TOM1L2: variants seen among roughly 807,000 people sequenced by gnomAD.
TOM1L2 encodes the protein TOM1-like protein 2.
A neutral mutation model predicts 67.9 loss-of-function variants in TOM1L2; 31 were observed. The ratio of observed to expected loss-of-function variants is 0.46; its 90% CI spans 0.34 to 0.62. TOM1L2 has a LOEUF of 0.62. Ranked by LOEUF, TOM1L2 falls within the 20% of genes least tolerant of loss-of-function variation. TOM1L2 has a pLI of 0.01. For synonymous variants in TOM1L2, 256 were observed against 254.0 expected (o/e 1.01, Z -0.07); for missense variants, 606 against 663.5 (o/e 0.91, Z 0.95).
intron 1 of TOM1L2, among the ~76,000 whole-genome samples, chr17:17,926,801 T>C (rs1470360511): frequency 6.6e-6 from 1 of 151,890 alleles, no homozygotes; most frequent in Middle Eastern, 3.2e-3. Context: ...GAGGTTGCAG[T>C]GAGCAAGGAT....
intron 6 of TOM1L2, among the ~76,000 whole-genome samples, chr17:17,881,660 A>C (rs568648275): frequency 3.3e-5 from 5 of 152,042 alleles, no homozygotes; most frequent in African/African-American, 1.2e-4. Flanking sequence ...GTAACAAATC[A>C]CTTGTTCTAC....
chr17:17,895,797 G>T (rs1474915250), intron 3 of TOM1L2, among the ~76,000 whole-genome samples: 2 of 152,172 alleles, frequency 1.3e-5, no homozygotes, highest in Non-Finnish European at 2.9e-5. Flanking sequence ...TCCCCCCTTT[G>T]GTCCTTGAAA....
At chr17:17,916,660 G>A (rs1190528487) in intron 1 of TOM1L2, among the ~76,000 whole-genome samples, 1 of 152,138 alleles carries the variant, frequency 6.6e-6, no homozygotes, top group Non-Finnish European at 1.5e-5. Context: ...CCATGATGTT[G>A]TGATTATTAT....
chr17:17,963,856 T>C (rs1011636742), intron 1 of TOM1L2, among the ~76,000 whole-genome samples: 2 of 152,190 alleles, frequency 1.3e-5, no homozygotes, highest in Non-Finnish European at 2.9e-5. Context: ...TCAAGAAGTC[T>C]ATATTAGTTG....
rs1568027008 is a variant in TOM1L2 at position 17,846,521 on chromosome 17, T to C, written c.*1114A>G. The C allele has an allele frequency of 6.6e-6, 1 of 152,578 alleles. No individual in the cohort carries two copies. Among genetic ancestry groups the C allele is most frequent in the Non-Finnish European group, 1.5e-5 (1 of 68,300 alleles). 9.5% of individuals were successfully genotyped at this position (152,578 alleles called of 1,614,324 possible). A position where few individuals can be genotyped will look rare whatever the true frequency, so the allele number is the denominator to read the frequency against. ...GATCAGCTTGGGGAGAGAGTATAAA[T>C]TGGTGGCCAGAGGACCTCTGAGGTG... On this transcript the variant is annotated 3_prime_UTR_variant, in exon 15 of 15. Transcript: ENST00000379504.
chr17:17,929,043 G>A (rs753565372), intron 1 of TOM1L2, among the ~76,000 whole-genome samples: 25 of 152,220 alleles, frequency 1.6e-4, no homozygotes, highest in Admixed American at 1.5e-3. Flanking sequence ...CTAATACCAA[G>A]TCTGAAGATT....
chr17:17,867,064 A>G (rs1450321149), intron 8 of TOM1L2, 140 bp from the exon 9 acceptor site: 1 of 761,544 alleles, frequency 1.3e-6, no homozygotes, highest in Non-Finnish European at 2.3e-6. Context: ...GAAACCATAT[A>G]TCAACTCTGC....
chr17:17,961,328 T>C (rs2041667624), intron 1 of TOM1L2, among the ~76,000 whole-genome samples: 1 of 151,642 alleles, frequency 6.6e-6, no homozygotes, highest in African/African-American at 2.4e-5. Context: ...GAGGCCAAGA[T>C]GGGAGGATCA....
intron 1 of TOM1L2, among the ~76,000 whole-genome samples, chr17:17,916,661 T>C (rs969642655): frequency 6.6e-6 from 1 of 152,232 alleles, no homozygotes; most frequent in African/African-American, 2.4e-5. Context: ...CATGATGTTG[T>C]GATTATTATA....
At chr17:17,870,539 G>A (rs991306007) in intron 7 of TOM1L2, among the ~76,000 whole-genome samples, 2 of 152,210 alleles carry the variant, frequency 1.3e-5, no homozygotes, top group Non-Finnish European at 2.9e-5. Context: ...ACCTACCTGG[G>A]CACTGGAGGG....
chr17:17,853,287 A>G (rs955081521), intron 12 of TOM1L2, among the ~76,000 whole-genome samples: 1 of 152,180 alleles, frequency 6.6e-6, no homozygotes, highest in Admixed American at 6.5e-5. Context: ...CCCTTTCTTT[A>G]CACCTGACCA....
chr17:17,853,884 A>G (rs550681464), intron 12 of TOM1L2, among the ~76,000 whole-genome samples: 1 of 152,380 alleles, frequency 6.6e-6, no homozygotes, highest in South Asian at 2.1e-4. Context: ...CTGTGAAATA[A>G]GGCGATTGCT....
intron 1 of TOM1L2, among the ~76,000 whole-genome samples, chr17:17,928,387 C>T (rs1342583969): frequency 2.6e-5 from 4 of 152,268 alleles, no homozygotes; most frequent in Admixed American, 6.5e-5. Flanking sequence ...TCAGCCTAGT[C>T]GCTAAGTGGA....
At chr17:17,875,107 A>G (rs952860588) in intron 7 of TOM1L2, among the ~76,000 whole-genome samples, 1 of 152,058 alleles carries the variant, frequency 6.6e-6, no homozygotes, top group African/African-American at 2.4e-5. Context: ...AAATACAAAA[A>G]TTAGCCAGGC....
intron 1 of TOM1L2, among the ~76,000 whole-genome samples, chr17:17,941,129 G>C (rs928849055): frequency 6.6e-6 from 1 of 152,222 alleles, no homozygotes; most frequent in African/African-American, 2.4e-5. Context: ...ATCTCAGTAA[G>C]AAAGGCTTCT....
At chr17:17,864,496 C>T (rs1360744048) in intron 10 of TOM1L2, among the ~76,000 whole-genome samples, 1 of 151,616 alleles carries the variant, frequency 6.6e-6, no homozygotes, top group African/African-American at 2.4e-5. Flanking sequence ...AGGCGTTAGC[C>T]ACCGCACCCG....
intron 1 of TOM1L2, among the ~76,000 whole-genome samples, chr17:17,948,775 C>T (rs1250989545): frequency 6.6e-6 from 1 of 152,080 alleles, no homozygotes; most frequent in Non-Finnish European, 1.5e-5. Context: ...AGCGGAGTGC[C>T]CAGAGCAAGG....
rs187740531 is a variant in TOM1L2, at chr17:17,946,973, C to T, written c.52+25289G>A. Reference sequence around the variant, plus strand: ...CTCCTGACCTCAAGTGATCAGCCCTCCTCAGCCTCCCAAAGTGCTGGGATT... The same window carrying T: ...CTCCTGACCTCAAGTGATCAGCCCTTCTCAGCCTCCCAAAGTGCTGGGATT... On this transcript the variant is annotated intron_variant, in intron 1 of 14. Transcript: ENST00000379504. 9.2e-5 allele frequency among the ~76,000 whole-genome samples: 14 copies of T among 152,340 alleles called. No homozygotes were observed. The East Asian group carries it at 2.3e-3, about 25-fold the overall frequency.
chr17:17,927,729 T>C (rs1319374776), intron 1 of TOM1L2, among the ~76,000 whole-genome samples: 1 of 150,944 alleles, frequency 6.6e-6, no homozygotes, highest in African/African-American at 2.4e-5. Flanking sequence ...AGCGGCACAA[T>C]CTTGGCTCAC....
Sources: allele counts gnomAD v4.1 joint callset (sites outside exome capture counted in the v4.1 genomes callset), GRCh38; gene constraint gnomAD v4.1.1; transcripts MANE v1.5; gene names NCBI Gene and HGNC (gene_info 2026-07-23, HGNC 2026-07-21).